PRKG1: variants seen among roughly 807,000 people sequenced by gnomAD.
The protein encoded by PRKG1 is protein kinase cGMP-dependent 1, also known as cGMP-dependent protein kinase 1.
In PRKG1, 35 loss-of-function variants were observed where a neutral mutation model predicts 88.1. The observed-to-expected ratio is 0.40, with a 90% CI of 0.30 to 0.53. The LOEUF (loss-of-function observed/expected upper bound fraction) is 0.53. Among genes scored for constraint, PRKG1 ranks in the 20% least tolerant of loss-of-function variants. PRKG1 has a pLI of 0.59. For missense variants in PRKG1, 540 were observed against 839.8 expected (o/e 0.64, Z 4.41); for synonymous variants, 303 against 292.5 (o/e 1.04, Z -0.37).
chr10:51,730,383 T>C (rs532433230), intron 3 of PRKG1, among the ~76,000 whole-genome samples: 1 of 152,316 alleles, frequency 6.6e-6, no homozygotes, highest in African/African-American at 2.4e-5. Context: ...AAAATGTAGT[T>C]TGACTGATGA....
intron 3 of PRKG1, among the ~76,000 whole-genome samples, chr10:51,720,525 T>C (rs950560329): frequency 6.6e-6 from 1 of 152,168 alleles, no homozygotes; most frequent in Middle Eastern, 3.2e-3. Context: ...ATGACGAGAG[T>C]GCTTTGCTTT....
At chr10:51,876,961 C>T (rs949013079) in intron 4 of PRKG1, among the ~76,000 whole-genome samples, 1 of 152,172 alleles carries the variant, frequency 6.6e-6, no homozygotes, top group Admixed American at 6.5e-5. Flanking sequence ...CTTTCCTTCC[C>T]TACCAATGGT....
chr10:51,115,318 CG>C (rs934505309), intron 1 of PRKG1, among the ~76,000 whole-genome samples: 1 of 45,234 alleles, frequency 2.2e-5, no homozygotes. Context: ...CATCTCGGGG[CG>C]GGGGGAGGGA....
At chr10:52,090,958 C>T (rs1847042078) in intron 7 of PRKG1, among the ~76,000 whole-genome samples, 1 of 152,066 alleles carries the variant, frequency 6.6e-6, no homozygotes, top group African/African-American at 2.4e-5. Flanking sequence ...ATTGACATAC[C>T]TGTGTTAGTT....
chr10:51,249,672 TAGC>T (rs1260972049), intron 2 of PRKG1, among the ~76,000 whole-genome samples: 1 of 151,856 alleles, frequency 6.6e-6, no homozygotes, highest in Non-Finnish European at 1.5e-5. Context: ...TAATCGCAAG[TAGC>T]AGCATATTAT....
intron 3 of PRKG1, among the ~76,000 whole-genome samples, chr10:51,622,310 G>C (rs1054409655): frequency 1.3e-5 from 2 of 152,182 alleles, no homozygotes; most frequent in African/African-American, 4.8e-5. Context: ...AGGGAATATA[G>C]ATGCTTCACC....
At chr10:51,723,483 G>C (rs1158531924) in intron 3 of PRKG1, among the ~76,000 whole-genome samples, 1 of 152,160 alleles carries the variant, frequency 6.6e-6, no homozygotes, top group Non-Finnish European at 1.5e-5. Context: ...TGGGTAGGAG[G>C]CTAGGGGAGG....
chr10:52,134,225 T>C (rs1019682316), intron 8 of PRKG1, among the ~76,000 whole-genome samples: 1 of 152,172 alleles, frequency 6.6e-6, no homozygotes, highest in Admixed American at 6.6e-5. Flanking sequence ...AAGTGTCTTT[T>C]ACTCAGGAGG....
At chr10:51,970,499 G>C (rs530501669) in intron 5 of PRKG1, among the ~76,000 whole-genome samples, 1 of 150,880 alleles carries the variant, frequency 6.6e-6, no homozygotes, top group Non-Finnish European at 1.5e-5. Context: ...ATTTCGAACA[G>C]ATAAAAAGAA....
At chr10:51,669,516 T>G (rs1840504847) in intron 3 of PRKG1, among the ~76,000 whole-genome samples, 1 of 152,210 alleles carries the variant, frequency 6.6e-6, no homozygotes, top group Non-Finnish European at 1.5e-5. Flanking sequence ...TAATATGGAC[T>G]GAATAACACA....
intron 2 of PRKG1, among the ~76,000 whole-genome samples, chr10:51,371,966 G>C (rs1915671): frequency 0.85 from 129,808 of 152,064 alleles, 55,911 homozygotes; most frequent in East Asian, 0.99. Flanking sequence ...CCTGCTGTAA[G>C]AGTTTCCTAG....
At chr10:51,964,362 G>A (rs905103752) in intron 5 of PRKG1, among the ~76,000 whole-genome samples, 2 of 152,162 alleles carry the variant, frequency 1.3e-5, no homozygotes, top group African/African-American at 4.8e-5. Context: ...ACATCTTTAT[G>A]TTCATTCCAA....
At chr10:52,120,222 C>T (rs1847788255) in intron 7 of PRKG1, among the ~76,000 whole-genome samples, 2 of 152,140 alleles carry the variant, frequency 1.3e-5, no homozygotes, top group Non-Finnish European at 1.5e-5. Context: ...AAGATCCCAC[C>T]ACTCAATACT....
chr10:51,053,267 A>G (rs1843587840), intron 1 of PRKG1, among the ~76,000 whole-genome samples: 1 of 146,624 alleles, frequency 6.8e-6, no homozygotes, highest in African/African-American at 2.5e-5. Context: ...AAAAAAAACC[A>G]TTTTCCACCG....
Position 50,991,342 on chromosome 10 carries a change from C to CCG in PRKG1, c.-36_-35insGC. The stretch of plus-strand genomic sequence containing the variant: ...GCCGCCGCCGCCGCCGCCGCCGCCG[C>CCG]CCGAGAAAAAGTTTCGCGGAGGGGC... On this transcript the variant is annotated 5_prime_UTR_variant, in exon 1 of 18. Coordinates refer to the PRKG1 transcript ENST00000401604. The surrounding 1 kb of genome is among the most constrained non-coding windows in gnomAD (Gnocchi z 4.5). 1 of 1,488,390 alleles carries CCG rather than the reference C, an allele frequency of 6.7e-7. No homozygotes were observed. Among genetic ancestry groups the CCG allele is most frequent in the Non-Finnish European group, 8.9e-7 (1 of 1,120,354 alleles). The allele number at this position is 1,488,390 out of a possible 1,614,324, so 92.2% of individuals were successfully genotyped here.
intron 1 of PRKG1, among the ~76,000 whole-genome samples, chr10:51,125,338 A>G (rs1349642424): frequency 6.6e-6 from 1 of 151,482 alleles, no homozygotes; most frequent in Non-Finnish European, 1.5e-5. Context: ...AAATTAATAA[A>G]TTATAAATTA....
chr10:51,173,984 T>A (rs1407194948), intron 2 of PRKG1, among the ~76,000 whole-genome samples: 1 of 151,932 alleles, frequency 6.6e-6, no homozygotes, highest in South Asian at 2.1e-4. Flanking sequence ...TGTTCAATTA[T>A]CTTTGTTCTC....
At chr10:52,228,877 C>T (rs1049754100) in intron 9 of PRKG1, among the ~76,000 whole-genome samples, 1 of 152,186 alleles carries the variant, frequency 6.6e-6, no homozygotes, top group East Asian at 1.9e-4. Flanking sequence ...AGCAATGAAA[C>T]ACCTGCACTA....
At chr10:51,702,430 A>AT (rs1269502905) in intron 3 of PRKG1, among the ~76,000 whole-genome samples, 3 of 152,130 alleles carry the variant, frequency 2.0e-5, no homozygotes, top group Non-Finnish European at 2.9e-5. Flanking sequence ...ACCAGTACAT[A>AT]TTTTTTTATA....
Sources: allele counts gnomAD v4.1 joint callset (sites outside exome capture counted in the v4.1 genomes callset), GRCh38; gene constraint gnomAD v4.1.1; non-coding constraint Gnocchi (gnomAD v3.1); transcripts MANE v1.5; gene names NCBI Gene and HGNC (gene_info 2026-07-23, HGNC 2026-07-21).